TRAPPC1: variants seen among roughly 807,000 people sequenced by gnomAD.
The protein encoded by TRAPPC1 is trafficking protein particle complex subunit 1.
TRAPPC1 carries 10 observed loss-of-function variants against 17.2 expected under a neutral mutation model. The observed-to-expected ratio is 0.58, with a 90% confidence interval of 0.36 to 0.99. The LOEUF (loss-of-function observed/expected upper bound fraction) is 0.99. Among genes scored for constraint, TRAPPC1 ranks in the 50% least tolerant of loss-of-function variants. The pLI, the probability that TRAPPC1 is intolerant of heterozygous loss-of-function variation, is 0.01. For missense variants in TRAPPC1, 163 were observed against 184.4 expected (o/e 0.88, Z 0.67); for synonymous variants, 85 against 74.5 (o/e 1.14, Z -0.72).
At position 7,930,555 on chromosome 17, in the gene TRAPPC1, G is replaced by A. The variant is rs768074508; in HGVS notation, c.*51C>T. The A allele has an allele frequency of 4.4e-5, 71 of 1,611,666 alleles. No individual in the cohort carries two copies. The Admixed American group carries it at 1.2e-3, about 26-fold the overall frequency. On this transcript the variant is annotated 3_prime_UTR_variant, in exon 4 of 4. Coordinates refer to ENST00000303731, the MANE Select transcript of TRAPPC1 (RefSeq NM_021210.5). ...GGGGGCCCTTAGTTGGCACAGGTTC[G>A]GAAGGGCCCCAGGCAGACATGAATT...
rs1315323595 is a variant in TRAPPC1 at position 7,930,413 on chromosome 17, G to A, written c.*193C>T. On this transcript the variant is annotated 3_prime_UTR_variant, in exon 4 of 4. Transcript: ENST00000303731. ...TAGGCAGGGGATAAAACTGGAGAGA[G>A]GGCCTGGTGTGGAGGTGGAGGGACT... 3 of 631,882 alleles carry A rather than the reference G, an allele frequency of 4.7e-6. No individual in the cohort carries two copies. The highest frequency in any genetic ancestry group is 8.2e-6 in the Non-Finnish European group (3 of 366,976). The allele number at this position is 631,882 out of a possible 1,614,324, so 39.1% of individuals were successfully genotyped here. A position where few individuals can be genotyped will look rare whatever the true frequency, so the allele number is the denominator to read the frequency against.
upstream of TRAPPC1, chr17:7,931,997 C>T (rs548805927): frequency 2.6e-3 from 1,663 of 635,710 alleles, 36 homozygotes; most frequent in South Asian, 0.025. Flanking sequence ...AGCTCCGCCC[C>T]TTAGGGGGGT....
intron 2 of TRAPPC1, 45 bp downstream of exon 2, chr17:7,931,461 C>T (rs755102198): frequency 6.3e-7 from 1 of 1,597,314 alleles, no homozygotes; most frequent in South Asian, 1.1e-5. Context: ...TCCCCAAATT[C>T]CCAAGGCTAG....
At chr17:7,931,617 G>A (rs776424692) in intron 1 of TRAPPC1, 41 bp from the exon 2 acceptor site, 4 of 841,586 alleles carry the variant, frequency 4.8e-6, no homozygotes, top group Admixed American at 3.7e-5. Context: ...GTTGATGCGG[G>A]AGATGGGGTG....
chr17:7,930,716 CCACCAGCTCCA>C lies in TRAPPC1; in HGVS notation c.317_327del (p.Val106GlyfsTer15). The C allele has an allele frequency of 1.2e-6, 2 of 1,614,146 alleles. No individual in the cohort carries two copies. The highest frequency in any genetic ancestry group is 1.7e-6 in the Non-Finnish European group (2 of 1,180,000). On this transcript the variant is annotated frameshift_variant, in exon 4 of 4. Transcript: ENST00000303731. LOFTEE classifies it high-confidence loss of function. The stretch of plus-strand genomic sequence containing the variant: ...CCCAGCGGGCACAGGGGATTCTTCA[CCACCAGCTCCA>C]CATACAGCTATGGAAAGGGAAGATG...
In TRAPPC1 at chr17:7,930,555, G is replaced by T; in HGVS notation, c.*51C>A. ...GGGGGCCCTTAGTTGGCACAGGTTCGGAAGGGCCCCAGGCAGACATGAATT... is the reference window on the plus strand; with the variant it reads ...GGGGGCCCTTAGTTGGCACAGGTTCTGAAGGGCCCCAGGCAGACATGAATT... On this transcript the variant is annotated 3_prime_UTR_variant, in exon 4 of 4. Transcript: ENST00000303731. 1 of 1,611,782 alleles carries T rather than the reference G, an allele frequency of 6.2e-7. No homozygotes were observed. Among genetic ancestry groups the T allele is most frequent in the Non-Finnish European group, 8.5e-7 (1 of 1,179,222 alleles).
rs1972484703 is a variant in TRAPPC1, at chr17:7,931,241, C to G, written c.171-92G>C. 8 of 1,450,254 alleles carry G rather than the reference C, an allele frequency of 5.5e-6. No homozygotes were observed. In the Admixed American group the frequency reaches 6.4e-5, roughly 12 times the overall value. 89.8% of individuals were successfully genotyped at this position (1,450,254 alleles called of 1,614,324 possible). A position where few individuals can be genotyped will look rare whatever the true frequency, so the allele number is the denominator to read the frequency against. ...CCGCAAACATCGACTCCCTCTTTAT[C>G]TAAACATATCCTTTGTAGAAGCCTG... On this transcript the variant is annotated intron_variant, in intron 2 of 3. Coordinates refer to ENST00000303731, the MANE Select transcript of TRAPPC1 (RefSeq NM_021210.5).
rs1480161562 is a variant in TRAPPC1 at position 7,931,910 on chromosome 17, A to T, written c.-81T>A. On this transcript the variant is annotated 5_prime_UTR_variant, in exon 1 of 4. It adds an upstream start codon to the 5' untranslated region. Transcript: ENST00000303731. ...GGGTTCCCGGACCCACAGCCTTCCA[A>T]CCAGGTGGGGACCCCACCCACGGAC... 1 of 1,246,710 alleles carries T rather than the reference A, an allele frequency of 8.0e-7. No individual in the cohort carries two copies. The highest frequency in any genetic ancestry group is 2.3e-5 in the East Asian group (1 of 43,244). 77.2% of individuals were successfully genotyped at this position (1,246,710 alleles called of 1,614,324 possible).
chr17:7,931,012 G>A lies in TRAPPC1; in HGVS notation c.308C>T (p.Ala103Val), dbSNP rs780139319. The A allele has an allele frequency of 2.5e-6, 4 of 1,613,506 alleles. No homozygotes were observed. The highest frequency in any genetic ancestry group is 4.5e-5 in the East Asian group (2 of 44,882). Residue 103 changes from alanine to valine, a missense_variant and splice_region_variant, in exon 3 of 4, where the codon GCG becomes GTG. Physicochemically the swap from Ala to Val is moderately conservative, Grantham distance 64 (BLOSUM62 0). Coordinates refer to ENST00000303731, the MANE Select transcript of TRAPPC1 (RefSeq NM_021210.5). ...TGGGTCCCTGGGGCTGGCACTGACC[G>A]CACTGTAGATGTGGTGCAGCACATC... Reference protein sequence around the residue: ...IRDVLHHIYSALYVELVVKNP... With the variant: ...IRDVLHHIYSVLYVELVVKNP...
In TRAPPC1 at chr17:7,931,798, C is replaced by T. The variant is rs1972532886; in HGVS notation, c.32G>A (p.Arg11Gln). The T allele has an allele frequency of 1.2e-6, 2 of 1,614,192 alleles. No homozygotes were observed. The highest frequency in any genetic ancestry group is 1.1e-5 in the South Asian group (1 of 91,080). Residue 11 changes from arginine to glutamine, a missense_variant, in exon 1 of 4, where the codon CGG (arginine) becomes CAG (glutamine). Arg to Gln is a conservative substitution (Grantham distance 43). Coordinates refer to ENST00000303731, the MANE Select transcript of TRAPPC1 (RefSeq NM_021210.5). ...GCTGTAGTGCAGACACACTCCATTC[C>T]GGTCAAACAGGTACAGGTTGTGGAC... is the stretch of plus-strand genomic sequence containing the variant. MTVHNLYLFD[R>Q]NGVCLHYSEW...
At position 7,931,813 on chromosome 17, in the gene TRAPPC1, A is replaced by G; in HGVS notation, c.17T>C (p.Leu6Pro). The G allele has an allele frequency of 1.9e-6, 3 of 1,614,084 alleles. No homozygotes were observed. The highest frequency in any genetic ancestry group is 2.5e-6 in the Non-Finnish European group (3 of 1,179,974). The stretch of plus-strand genomic sequence containing the variant: ...CACTCCATTCCGGTCAAACAGGTAC[A>G]GGTTGTGGACAGTCATCTGCAGGGC... The part of the protein sequence containing the change: MTVHN[L>P]YLFDRNGVCL... Residue 6 changes from leucine to proline, a missense_variant, in exon 1 of 4, where the codon CTG becomes CCG. Transcript: ENST00000303731.
At chr17:7,931,701 G>T (rs1567898933) in intron 1 of TRAPPC1, 30 bp downstream of exon 1, 2 of 1,604,132 alleles carry the variant, frequency 1.2e-6, no homozygotes, top group South Asian at 1.1e-5. Flanking sequence ...ATGAGAGGTC[G>T]CCCGGGCTGC....
At position 7,930,497 on chromosome 17, in the gene TRAPPC1, TG is replaced by T; in HGVS notation, c.*108del. 7.1e-7 allele frequency: 1 copy of T among 1,411,722 alleles called. No homozygotes were observed. The highest frequency in any genetic ancestry group is 9.6e-7 in the Non-Finnish European group (1 of 1,040,068). The allele number at this position is 1,411,722 out of a possible 1,614,324, so 87.4% of individuals were successfully genotyped here. On this transcript the variant is annotated 3_prime_UTR_variant, in exon 4 of 4. Transcript: ENST00000303731. Reference sequence around the variant, plus strand: ...AGGGCAGGCCTTTAGGCTGTTGCTCTGGGCAGGGGGTGGGGGTGCGGGGGCT... The same window carrying T: ...AGGGCAGGCCTTTAGGCTGTTGCTCTGGCAGGGGGTGGGGGTGCGGGGGCT...
chr17:7,930,456 G>A lies in TRAPPC1; in HGVS notation c.*150C>T, dbSNP rs1972402156. 1 of 931,336 alleles carries A rather than the reference G, an allele frequency of 1.1e-6. No homozygotes were observed. The highest frequency in any genetic ancestry group is 2.2e-5 in the Admixed American group (1 of 45,888). The allele number at this position is 931,336 out of a possible 1,614,324, so 57.7% of individuals were successfully genotyped here. ...GAGGGACTCTGTGGGCTTCACTCTGGTAGGAGGAGAGCATCAGGGCAGGCC... is the reference window on the plus strand; with the variant it reads ...GAGGGACTCTGTGGGCTTCACTCTGATAGGAGGAGAGCATCAGGGCAGGCC... On this transcript the variant is annotated 3_prime_UTR_variant, in exon 4 of 4. Transcript: ENST00000303731.
intron 2 of TRAPPC1, 162 bp from the exon 3 acceptor site, chr17:7,931,311 C>T (rs1972490319): frequency 9.1e-7 from 1 of 1,100,590 alleles, no homozygotes; most frequent in South Asian, 1.5e-5. Flanking sequence ...ATTTAGCCCC[C>T]ACCAACTTCT....
chr17:7,930,517 G>A lies in TRAPPC1; in HGVS notation c.*89C>T. 3 of 1,559,384 alleles carry A rather than the reference G, an allele frequency of 1.9e-6. No homozygotes were observed. Among genetic ancestry groups the A allele is most frequent in the East Asian group, 2.3e-5 (1 of 44,192 alleles). ...TGCTCTGGGCAGGGGGTGGGGGTGC[G>A]GGGGCTTACAGTGGGGGCCCTTAGT... On this transcript the variant is annotated 3_prime_UTR_variant, in exon 4 of 4. Transcript: ENST00000303731.
Position 7,930,502 on chromosome 17 carries a change from AG to A in TRAPPC1, c.*103del, listed in dbSNP as rs1353894247. ...AGGCCTTTAGGCTGTTGCTCTGGGC[AG>A]GGGGTGGGGGTGCGGGGGCTTACAG... On this transcript the variant is annotated 3_prime_UTR_variant, in exon 4 of 4. Coordinates refer to ENST00000303731, the MANE Select transcript of TRAPPC1 (RefSeq NM_021210.5). 2 of 1,415,632 alleles carry A rather than the reference AG, an allele frequency of 1.4e-6. No individual in the cohort carries two copies. Among genetic ancestry groups the A allele is most frequent in the East Asian group, 2.4e-5 (1 of 41,184 alleles). 87.7% of individuals were successfully genotyped at this position (1,415,632 alleles called of 1,614,324 possible). A position where few individuals can be genotyped will look rare whatever the true frequency, so the allele number is the denominator to read the frequency against.
At chr17:7,931,198 A>G in intron 2 of TRAPPC1, 49 bp from the exon 3 acceptor site, 1 of 1,601,446 alleles carries the variant, frequency 6.2e-7, no homozygotes, top group Non-Finnish European at 8.5e-7. Context: ...ATCTCTCCCA[A>G]AGAGACACTT....
Position 7,930,480 on chromosome 17 carries a change from C to T in TRAPPC1, c.*126G>A. ...GGTAGGAGGAGAGCATCAGGGCAGG[C>T]CTTTAGGCTGTTGCTCTGGGCAGGG... On this transcript the variant is annotated 3_prime_UTR_variant, in exon 4 of 4. Transcript: ENST00000303731. 8.2e-7 allele frequency: 1 copy of T among 1,225,586 alleles called. No individual in the cohort carries two copies. The highest frequency in any genetic ancestry group is 1.2e-6 in the Non-Finnish European group (1 of 861,558). 75.9% of individuals were successfully genotyped at this position (1,225,586 alleles called of 1,614,324 possible). A position where few individuals can be genotyped will look rare whatever the true frequency, so the allele number is the denominator to read the frequency against.
Sources: allele counts gnomAD v4.1 joint callset, GRCh38; gene constraint gnomAD v4.1.1; transcripts MANE v1.5; gene names NCBI Gene and HGNC (gene_info 2026-07-23, HGNC 2026-07-21).